Variants in COX20 observed in about 807,000 individuals in gnomAD.
The protein encoded by COX20 is cytochrome c oxidase assembly factor COX20.
In COX20, 14 loss-of-function variants were observed where a neutral mutation model predicts 14.3. That is an observed-to-expected ratio of 0.98 (90% CI 0.65 to 1.53). COX20 has a LOEUF of 1.53. Among genes scored for constraint, COX20 ranks in the 40% most tolerant of loss-of-function variants. COX20 has a pLI of 0.00. For synonymous variants in COX20, 56 were observed against 51.7 expected, an observed-to-expected ratio of 1.08 and a Z score of -0.36; for missense variants, 149 against 142.1, an observed-to-expected ratio of 1.05 and a Z score of -0.25.
At chr1:244,841,469 T>G (rs1289657967) in intron 1 of COX20, 1 of 156,078 alleles carries the variant, frequency 6.4e-6, no homozygotes, top group Non-Finnish European at 1.4e-5. Flanking sequence ...GTTAACCTAG[T>G]TAATAAAATA....
chr1:244,838,159 T>A (rs1208492574), intron 1 of COX20, among the ~76,000 whole-genome samples: 1 of 152,174 alleles, frequency 6.6e-6, no homozygotes, highest in Non-Finnish European at 1.5e-5. Context: ...GCTAATATAT[T>A]TGATGTGGAT....
chr1:244,837,408 C>T (rs1680027745), intron 1 of COX20, among the ~76,000 whole-genome samples: 1 of 152,026 alleles, frequency 6.6e-6, no homozygotes, highest in Admixed American at 6.6e-5. Flanking sequence ...TCCAGCACAA[C>T]CCAGGGAGGA....
chr1:244,838,528 G>T (rs1215895405), intron 1 of COX20, among the ~76,000 whole-genome samples: 4 of 152,212 alleles, frequency 2.6e-5, no homozygotes, highest in African/African-American at 9.6e-5. Flanking sequence ...AGACGTATTT[G>T]AAGCCAAGTA....
chr1:244,839,914 A>G (rs1054539217), intron 1 of COX20: 1 of 152,184 alleles, frequency 6.6e-6, no homozygotes, highest in African/African-American at 2.4e-5. Context: ...TTTCAGAGGT[A>G]ATCTCACACA....
chr1:244,837,734 C>A (rs1187749927), intron 1 of COX20, among the ~76,000 whole-genome samples: 1 of 152,166 alleles, frequency 6.6e-6, no homozygotes, highest in East Asian at 1.9e-4. Context: ...TCTACTGAGC[C>A]AGTCATGCAA....
intron 3 of COX20, 138 bp downstream of exon 3, chr1:244,842,396 T>C: frequency 1.4e-6 from 1 of 693,594 alleles, no homozygotes; most frequent in Non-Finnish European, 2.6e-6. Flanking sequence ...CAGGACATTT[T>C]CATGGAAATC....
intron 1 of COX20, chr1:244,836,439 CTG>C (rs1330183884): frequency 6.5e-7 from 1 of 1,529,702 alleles, no homozygotes; most frequent in Non-Finnish European, 8.9e-7. Context: ...GGAAGGGCTC[CTG>C]TGTTTCACCA....
chr1:244,842,417 T>TG, intron 3 of COX20, 159 bp downstream of exon 3: 1 of 639,548 alleles, frequency 1.6e-6, no homozygotes, highest in East Asian at 2.7e-5. Flanking sequence ...TTAAAATGCT[T>TG]GAACAGATAA....
chr1:244,838,798 T>C (rs535326643), intron 1 of COX20, among the ~76,000 whole-genome samples: 30 of 144,784 alleles, frequency 2.1e-4, no homozygotes, highest in African/African-American at 7.7e-4. Flanking sequence ...GATTTTTGGG[T>C]TTTTTTTTTG....
At position 244,844,914 on chromosome 1, in the gene COX20, T is replaced by A. The variant is rs1392308941; in HGVS notation, c.*1738T>A. Reference sequence around the variant, plus strand: ...CTTATGCTCAGTTTTACCTTAGTTATTCCTTGGTATCCACAGGCCCAAGTC... The same window carrying A: ...CTTATGCTCAGTTTTACCTTAGTTAATCCTTGGTATCCACAGGCCCAAGTC... On this transcript the variant is annotated 3_prime_UTR_variant, in exon 4 of 4. Transcript: ENST00000411948. 5.9e-5 allele frequency: 9 copies of A among 152,480 alleles called. No individual in the cohort carries two copies. The highest frequency in any genetic ancestry group is 5.2e-4 in the Admixed American group (8 of 15,288). 9.4% of individuals were successfully genotyped at this position (152,480 alleles called of 1,614,324 possible).
At chr1:244,835,600 A>C (rs1679940693), upstream of COX20, 1 of 778,342 alleles carries the variant, frequency 1.3e-6, no homozygotes, top group Non-Finnish European at 1.7e-6. Context: ...GGCGCGTCGG[A>C]ACAGGGCGGG....
chr1:244,838,353 G>A lies in COX20; in HGVS notation c.42+2597G>A, dbSNP rs116556707. 4.0e-3 allele frequency among the ~76,000 whole-genome samples: 608 copies of A among 152,264 alleles called. 6 individuals carry two copies. The highest frequency in any genetic ancestry group is 0.014 in the African/African-American group (598 of 41,556). ...TGAGGCTGAAGCTTGGGAGAGATTA[G>A]GGTTTGATTTAGAAATCTGGAGTCA... On this transcript the variant is annotated intron_variant, in intron 1 of 3. Transcript: ENST00000411948.
intron 1 of COX20, among the ~76,000 whole-genome samples, chr1:244,836,232 T>C (rs1336094112): frequency 6.6e-6 from 1 of 152,206 alleles, no homozygotes; most frequent in Non-Finnish European, 1.5e-5. Flanking sequence ...CCATCACCAG[T>C]AGCCTCCCTA....
chr1:244,835,449 T>A, upstream of COX20: 4 of 359,484 alleles, frequency 1.1e-5, no homozygotes, highest in Non-Finnish European at 2.0e-5. Context: ...TCCGAACCCA[T>A]CTCCTTCCGC....
rs1680267669 is a variant in COX20, at chr1:244,842,975, A to T, written c.222-66A>T. Reference sequence around the variant, plus strand: ...TATTTAAGTTTTGTGTGATTTAGAGAAATTTCATAAATTAATTTCTGTAGG... The same window carrying T: ...TATTTAAGTTTTGTGTGATTTAGAGTAATTTCATAAATTAATTTCTGTAGG... On this transcript the variant is annotated intron_variant, in intron 3 of 3. Transcript: ENST00000411948. 49 of 1,226,350 alleles carry T rather than the reference A, an allele frequency of 4.0e-5. No homozygotes were observed. The South Asian group carries it at 7.3e-4, about 18-fold the overall frequency. 76.0% of individuals were successfully genotyped at this position (1,226,350 alleles called of 1,614,324 possible).
At chr1:244,840,224 T>G (rs1680143839) in intron 1 of COX20, 1 of 152,158 alleles carries the variant, frequency 6.6e-6, no homozygotes, top group African/African-American at 2.4e-5. Flanking sequence ...CACCTAGAGT[T>G]TTCTAAACAT....
upstream of COX20, chr1:244,835,547 C>G: frequency 4.8e-6 from 2 of 420,372 alleles, no homozygotes; most frequent in Non-Finnish European, 8.0e-6. Flanking sequence ...CGGCCCCGTG[C>G]GGCCACTGCG....
intron 1 of COX20, among the ~76,000 whole-genome samples, chr1:244,838,749 T>TG (rs1442119965): frequency 6.6e-6 from 1 of 151,648 alleles, no homozygotes; most frequent in African/African-American, 2.4e-5. Context: ...AAAAGGATGG[T>TG]GGTTTAGGTG....
chr1:244,835,636 G>C (rs1409955598), upstream of COX20: 6 of 1,131,206 alleles, frequency 5.3e-6, no homozygotes, highest in East Asian at 9.6e-5. Flanking sequence ...GGGGCGGGAC[G>C]GGGAGGGGCG....
Sources: allele counts gnomAD v4.1 joint callset (sites outside exome capture counted in the v4.1 genomes callset), GRCh38; gene constraint gnomAD v4.1.1; transcripts MANE v1.5; gene names NCBI Gene and HGNC (gene_info 2026-07-23, HGNC 2026-07-21).